Variants in SH3PXD2A observed in about 807,000 individuals in gnomAD.
SH3PXD2A encodes the protein SH3 and PX domain-containing protein 2A.
SH3PXD2A carries 32 observed loss-of-function variants against 115.2 expected under a neutral mutation model. The ratio of observed to expected loss-of-function variants is 0.28; its 90% CI spans 0.21 to 0.37. The LOEUF (loss-of-function observed/expected upper bound fraction) is 0.37. SH3PXD2A is among the 10% of genes least tolerant of loss of function. The pLI is 1.00. For synonymous variants in SH3PXD2A, 610 were observed against 629.1 expected (o/e 0.97, Z 0.45); for missense variants, 1,328 against 1,498.7 (o/e 0.89, Z 1.88).
At chr10:103,829,485 G>C (rs984076377) in intron 1 of SH3PXD2A, among the ~76,000 whole-genome samples, 3 of 152,098 alleles carry the variant, frequency 2.0e-5, no homozygotes, top group Non-Finnish European at 4.4e-5. Context: ...TTTTTAAATA[G>C]GTCTGGTTCT....
chr10:103,729,445 T>C (rs1409887538), intron 4 of SH3PXD2A, among the ~76,000 whole-genome samples: 1 of 152,266 alleles, frequency 6.6e-6, no homozygotes, highest in East Asian at 1.9e-4. Context: ...TTGTCTGATC[T>C]ATCAATCAAT....
intron 10 of SH3PXD2A, among the ~76,000 whole-genome samples, chr10:103,619,761 G>T (rs962226145): frequency 7.9e-5 from 12 of 152,354 alleles, no homozygotes; most frequent in Admixed American, 5.9e-4. Flanking sequence ...TCCTGCAAAA[G>T]GTTCTTGGGG....
chr10:103,677,835 C>G (rs969110681), intron 6 of SH3PXD2A, among the ~76,000 whole-genome samples: 6 of 152,198 alleles, frequency 3.9e-5, no homozygotes, highest in African/African-American at 1.4e-4. Context: ...TCACTGCTCT[C>G]AAGCCCAAGG....
intron 6 of SH3PXD2A, among the ~76,000 whole-genome samples, chr10:103,690,215 G>A (rs7913207): frequency 0.028 from 4,234 of 152,200 alleles, 185 homozygotes; most frequent in African/African-American, 0.095. Flanking sequence ...ATGCTCATTC[G>A]ATAACAGCAT....
chr10:103,603,215 A>G lies in SH3PXD2A; in HGVS notation c.2003T>C (p.Leu668Pro). 1 of 1,614,028 alleles carries G rather than the reference A, an allele frequency of 6.2e-7. No homozygotes were observed. The highest frequency in any genetic ancestry group is 8.5e-7 in the Non-Finnish European group (1 of 1,179,994). ...PKSGSPKSSS[L>P]LKLKAEKNAQ... ...ATTCTTCTCTGCCTTGAGCTTTAGG[A>G]GTGATGATGACTTGGGGGAGCCTGA... Residue 668 changes from leucine to proline, a missense_variant, in exon 15 of 15, where the codon CTC becomes CCC. By Grantham distance (98) the Leu-to-Pro change is moderately conservative. Around this residue, in one of 5 missense-constraint regions of SH3PXD2A, gnomAD observed 574 missense variants for 565.7 expected, o/e 1.01. Coordinates refer to ENST00000369774, the MANE Select transcript of SH3PXD2A (RefSeq NM_001394015.1).
intron 5 of SH3PXD2A, among the ~76,000 whole-genome samples, chr10:103,720,016 G>A (rs557491774): frequency 5.3e-5 from 8 of 152,134 alleles, no homozygotes; most frequent in African/African-American, 1.2e-4. Context: ...CACCGTGCCC[G>A]GCCACACTAG....
At chr10:103,675,132 A>G (rs907553495) in intron 6 of SH3PXD2A, among the ~76,000 whole-genome samples, 6 of 152,182 alleles carry the variant, frequency 3.9e-5, no homozygotes, top group African/African-American at 7.2e-5. Context: ...CTCGGACCCC[A>G]GGCCTGCTCC....
At chr10:103,674,153 C>T (rs936498242) in intron 6 of SH3PXD2A, among the ~76,000 whole-genome samples, 1 of 152,214 alleles carries the variant, frequency 6.6e-6, no homozygotes, top group Non-Finnish European at 1.5e-5. Flanking sequence ...GCAGACTCCA[C>T]GTTTCTTTTC....
chr10:103,817,360 A>G lies in SH3PXD2A; in HGVS notation c.73-15998T>C, dbSNP rs578131221. ...GTCTGTTGTTTCTATCTTTGTGTTC[A>G]TAAGTTCTTGTGCTCTGTCACCCAG... is the stretch of plus-strand genomic sequence containing the variant. On this transcript the variant is annotated intron_variant, in intron 1 of 14. Coordinates refer to ENST00000369774, the MANE Select transcript of SH3PXD2A (RefSeq NM_001394015.1). Among the ~76,000 whole-genome samples, 386 of 151,954 alleles carry G rather than the reference A, an allele frequency of 2.5e-3. 1 individual carries two copies. The highest frequency in any genetic ancestry group is 5.0e-3 in the Non-Finnish European group (337 of 67,948).
chr10:103,693,038 C>T lies in SH3PXD2A; in HGVS notation c.417G>A (p.Lys139=), dbSNP rs1389421642. The change falls in exon 6 of 15, where the codon AAG becomes AAA. Residue 139 remains lysine, a synonymous_variant. Coordinates refer to ENST00000369774, the MANE Select transcript of SH3PXD2A (RefSeq NM_001394015.1). Reference sequence around the variant, plus strand: ...CGGAGGCTCCCTTACCTGATTTCCTCTTGGAACTGCCATAGTCCCTGAAAA... The same window carrying T: ...CGGAGGCTCCCTTACCTGATTTCCTTTTGGAACTGCCATAGTCCCTGAAAA... ...NPPKEDYGSS[K]RKSVWLSSWA... is the part of the protein sequence containing the mutation. 1 of 1,613,482 alleles carries T rather than the reference C, an allele frequency of 6.2e-7. No individual in the cohort carries two copies. The highest frequency in any genetic ancestry group is 1.7e-5 in the Admixed American group (1 of 60,000).
intron 13 of SH3PXD2A, among the ~76,000 whole-genome samples, chr10:103,606,177 TATC>T (rs56654395): frequency 0.44 from 63,261 of 142,536 alleles, 14,940 homozygotes; most frequent in Middle Eastern, 0.6. Context: ...TTACTATTAC[TATC>T]ATCATCATCA....
In SH3PXD2A at chr10:103,641,690, G is replaced by A. The variant is rs141066062; in HGVS notation, c.605-14488C>T. On this transcript the variant is annotated intron_variant, in intron 8 of 14. Coordinates refer to ENST00000369774, the MANE Select transcript of SH3PXD2A (RefSeq NM_001394015.1). ...TCTCCTCCACTCCACTGGTGTCTAC[G>A]AAGCCCTGAGTCTTGGAAGAGTCGA... is the stretch of plus-strand genomic sequence containing the variant. 3.8e-3 allele frequency among the ~76,000 whole-genome samples: 576 copies of A among 152,240 alleles called. 6 individuals carry two copies. Among genetic ancestry groups the A allele is most frequent in the Non-Finnish European group, 5.4e-3 (368 of 68,024 alleles).
At chr10:103,735,057 C>T (rs943616551) in intron 4 of SH3PXD2A, among the ~76,000 whole-genome samples, 4 of 152,240 alleles carry the variant, frequency 2.6e-5, no homozygotes, top group South Asian at 4.1e-4. Context: ...GGAAGACTGG[C>T]CCTCCAGAGG....
At chr10:103,657,219 G>A (rs1156373174) in intron 8 of SH3PXD2A, among the ~76,000 whole-genome samples, 1 of 151,964 alleles carries the variant, frequency 6.6e-6, no homozygotes, top group Non-Finnish European at 1.5e-5. Context: ...AGAAAGGTGA[G>A]GCAGGAAAAA....
chr10:103,617,211 G>A lies in SH3PXD2A; in HGVS notation c.906C>T (p.Gly302=). 1 of 1,612,572 alleles carries A rather than the reference G, an allele frequency of 6.2e-7. No homozygotes were observed. Among genetic ancestry groups the A allele is most frequent in the Non-Finnish European group, 8.5e-7 (1 of 1,178,524 alleles). Reference sequence around the variant, plus strand: ...GGGTTCCCTACCTGATATACCACCAGCCTTCCAGATTCTTCCGGATCACCT... The same window carrying A: ...GGGTTCCCTACCTGATATACCACCAACCTTCCAGATTCTTCCGGATCACCT... ...TVEVIRKNLE[G]WWYIRYLGKE... is the part of the protein sequence containing the mutation. The change falls in exon 11 of 15, where the codon GGC becomes GGT. Residue 302 remains glycine (G), a synonymous_variant. Coordinates refer to ENST00000369774, the MANE Select transcript of SH3PXD2A (RefSeq NM_001394015.1).
intron 1 of SH3PXD2A, among the ~76,000 whole-genome samples, chr10:103,840,322 G>C: frequency 6.6e-6 from 1 of 152,168 alleles, no homozygotes; most frequent in South Asian, 2.1e-4. Flanking sequence ...TCGCCACCCC[G>C]GCCCAGCCCC....
chr10:103,767,360 T>C (rs1173390917), intron 2 of SH3PXD2A, among the ~76,000 whole-genome samples, 191 bp from the exon 3 acceptor site: 2 of 152,174 alleles, frequency 1.3e-5, no homozygotes, highest in East Asian at 1.9e-4. Context: ...AAGCTCTCTC[T>C]GCATCAAAGA....
At chr10:103,702,596 C>CGTGTGTGCGTGTGTGT (rs1554913266) in intron 5 of SH3PXD2A, among the ~76,000 whole-genome samples, 20 of 147,446 alleles carry the variant, frequency 1.4e-4, no homozygotes, top group African/African-American at 4.8e-4. Context: ...TGTGTGTGTG[C>CGTGTGTGCGTGTGTGT]GTGTGTGTGT....
chr10:103,692,961 G>C, intron 6 of SH3PXD2A, 67 bp downstream of exon 6: 1 of 1,369,800 alleles, frequency 7.3e-7, no homozygotes, highest in Non-Finnish European at 1.0e-6. Flanking sequence ...TCCTCTGCAG[G>C]ATCGGAGGGG....
Sources: gnomAD v4.1 joint callset for allele counts (sites outside exome capture counted in the v4.1 genomes callset) on GRCh38, gnomAD v4.1.1 for gene constraint, gnomAD v4.1.1 regional missense constraint, MANE v1.5 for transcripts, NCBI Gene and HGNC (gene_info 2026-07-23, HGNC 2026-07-21) for gene names.